UGT1A3: variants seen among roughly 807,000 people sequenced by gnomAD.
UGT1A3 encodes UDP-glucuronosyltransferase 1A3.
A neutral mutation model predicts 41.0 loss-of-function variants in UGT1A3; 31 were observed. That is an observed-to-expected ratio of 0.76 (90% confidence interval 0.57 to 1.02). The LOEUF (loss-of-function observed/expected upper bound fraction) is 1.02. UGT1A3 is among the 50% of genes least tolerant of loss of function. The pLI, the probability that UGT1A3 is intolerant of heterozygous loss-of-function variation, is 0.00. For synonymous variants in UGT1A3, 262 were observed against 257.6 expected (o/e 1.02, Z -0.17); for missense variants, 737 against 671.0 (o/e 1.10, Z -1.09).
intron 1 of UGT1A3, chr2:233,741,799 G>A (rs1253457401): frequency 3.3e-5 from 5 of 151,906 alleles, no homozygotes; most frequent in African/African-American, 1.2e-4. Flanking sequence ...TTACCAGCAT[G>A]CTGCTCTTAA....
chr2:233,757,539 T>TATATACATATACATATATAC (rs762018928), intron 1 of UGT1A3, among the ~76,000 whole-genome samples: 1 of 115,748 alleles, frequency 8.6e-6, no homozygotes, highest in African/African-American at 3.8e-5. Flanking sequence ...GTAAGGAATA[T>TATATACATATACATATATAC]ATATATATAT....
At chr2:233,736,915 T>A (rs1289213443) in intron 1 of UGT1A3, among the ~76,000 whole-genome samples, 1 of 152,142 alleles carries the variant, frequency 6.6e-6, no homozygotes, top group African/African-American at 2.4e-5. Context: ...GGAAGCTTCA[T>A]ACCAGAGGCG....
chr2:233,732,553 T>TAAATAAGGA (rs1454535423), intron 1 of UGT1A3, among the ~76,000 whole-genome samples: 6 of 152,230 alleles, frequency 3.9e-5, no homozygotes, highest in African/African-American at 1.4e-4. Context: ...CACCATTTAT[T>TAAATAAGGA]AAATAAGGAA....
At chr2:233,758,396 C>T (rs560244610) in intron 1 of UGT1A3, among the ~76,000 whole-genome samples, 1 of 152,294 alleles carries the variant, frequency 6.6e-6, no homozygotes, top group South Asian at 2.1e-4. Flanking sequence ...GTGTTTATAG[C>T]CCCTTTACTG....
intron 1 of UGT1A3, among the ~76,000 whole-genome samples, chr2:233,745,719 G>A (rs946550839): frequency 2.7e-5 from 4 of 150,636 alleles, no homozygotes; most frequent in African/African-American, 5.0e-5. Flanking sequence ...CAGAATGGCT[G>A]GAGGGTAAGA....
In UGT1A3 at chr2:233,743,176, T is replaced by C. The variant is rs28900375; in HGVS notation, c.867+13183T>C. 1,765 of 366,612 alleles carry C rather than the reference T, an allele frequency of 4.8e-3. 64 individuals are homozygous for C. The highest frequency in any genetic ancestry group is 0.035 in the African/African-American group (1,636 of 46,622). 22.7% of individuals were successfully genotyped at this position (366,612 alleles called of 1,614,324 possible). On this transcript the variant is annotated intron_variant, in intron 1 of 4. Coordinates refer to ENST00000482026, the MANE Select transcript of UGT1A3 (RefSeq NM_019093.4). The stretch of plus-strand genomic sequence containing the variant: ...TCCTCCAGATGTGCTTAAAGTCAAA[T>C]GTGGACTGGAATTACTTGGTGTCAA...
intron 1 of UGT1A3, among the ~76,000 whole-genome samples, chr2:233,764,258 T>C (rs1698520087): frequency 1.3e-5 from 2 of 152,152 alleles, no homozygotes; most frequent in Non-Finnish European, 2.9e-5. Context: ...AGTTAATATG[T>C]TGCTTCACTC....
intron 1 of UGT1A3, chr2:233,755,026 G>A (rs776900288): frequency 1.5e-6 from 2 of 1,306,986 alleles, no homozygotes; most frequent in Non-Finnish European, 2.1e-6. Context: ...TCCTTGAAGG[G>A]CCTGCCGCCT....
At chr2:233,739,447 A>G (rs1387114794) in intron 1 of UGT1A3, among the ~76,000 whole-genome samples, 2 of 152,208 alleles carry the variant, frequency 1.3e-5, no homozygotes, top group East Asian at 3.8e-4. Flanking sequence ...CTGCAAAGCC[A>G]CAGGGTTGGA....
intron 3 of UGT1A3, 24 bp downstream of exon 3, chr2:233,767,960 T>G (rs769330196): frequency 1.2e-6 from 2 of 1,614,082 alleles, no homozygotes; most frequent in Admixed American, 3.3e-5. Context: ...ATTGGATGTA[T>G]AGGTCAAACC....
At chr2:233,743,297 T>C in intron 1 of UGT1A3, 1 of 557,200 alleles carries the variant, frequency 1.8e-6, no homozygotes, top group South Asian at 1.6e-5. Context: ...TTCTCAATGA[T>C]TCTCTTGGTG....
In UGT1A3 at chr2:233,740,888, C is replaced by A. The variant is rs557749460; in HGVS notation, c.867+10895C>A. On this transcript the variant is annotated intron_variant, in intron 1 of 4. Coordinates refer to ENST00000482026, the MANE Select transcript of UGT1A3 (RefSeq NM_019093.4). ...TTTAAATAAAATGCTCTTGCAGGGA[C>A]AACATAGTAGGTCAACATTGTTCCC... The A allele has an allele frequency of 9.3e-5, 14 of 150,988 alleles. No individual in the cohort carries two copies. In the East Asian group the frequency reaches 9.7e-4, roughly 10 times the overall value. The allele number at this position is 150,988 out of a possible 1,614,324, so 9.4% of individuals were successfully genotyped here. A position where few individuals can be genotyped will look rare whatever the true frequency, so the allele number is the denominator to read the frequency against.
rs17868336 is a variant in UGT1A3, at chr2:233,729,360, A to G, written c.234A>G (p.Thr78=). The G allele has an allele frequency of 0.038, 60,794 of 1,614,118 alleles. 1,450 individuals carry two copies. Among genetic ancestry groups the G allele is most frequent in the Non-Finnish European group, 0.047 (55,229 of 1,179,980 alleles). ...AAGAAGAGAACTTTTTCACCCTGAC[A>G]ACCTATGCCATTTCGTGGACCCAGG... ...HIKEENFFTL[T]TYAISWTQDE... The change falls in exon 1 of 5, where the codon ACA becomes ACG. Residue 78 remains threonine (T), a synonymous_variant. Coordinates refer to ENST00000482026, the MANE Select transcript of UGT1A3 (RefSeq NM_019093.4).
intron 1 of UGT1A3, chr2:233,760,458 A>T (rs1336419159): frequency 6.2e-7 from 1 of 1,614,212 alleles, no homozygotes; most frequent in Non-Finnish European, 8.5e-7. Flanking sequence ...GACATGAAAT[A>T]GTTGTCCTAG....
In UGT1A3 at chr2:233,769,692, A is replaced by G; in HGVS notation, c.1307+1253A>G. On this transcript the variant is annotated intron_variant, in intron 4 of 4. Transcript: ENST00000482026. The surrounding 1 kb of genome is among the most constrained non-coding windows in gnomAD (Gnocchi z 4.4). ...GCTAATGTGTGTGTGGTGGCACTGG[A>G]TAAAAGATCAATGTTGGCTAGGCAC... 1.9e-6 allele frequency: 3 copies of G among 1,542,672 alleles called. No individual in the cohort carries two copies. Among genetic ancestry groups the G allele is most frequent in the Non-Finnish European group, 2.6e-6 (3 of 1,143,658 alleles).
At chr2:233,738,852 A>G (rs1448497943) in intron 1 of UGT1A3, 2 of 152,248 alleles carry the variant, frequency 1.3e-5, no homozygotes, top group Admixed American at 1.3e-4. Flanking sequence ...AATCACCAAG[A>G]CAATGGGGAA....
chr2:233,735,275 T>G (rs968370538), intron 1 of UGT1A3, among the ~76,000 whole-genome samples: 2 of 152,218 alleles, frequency 1.3e-5, no homozygotes, highest in Non-Finnish European at 2.9e-5. Context: ...GTAATGGCCT[T>G]CTTTGTCTCT....
intron 1 of UGT1A3, among the ~76,000 whole-genome samples, chr2:233,757,562 G>GATATATATATATATA (rs1696648748): frequency 1.1e-5 from 1 of 90,870 alleles, no homozygotes; most frequent in Non-Finnish European, 2.1e-5. Context: ...ATATATATAT[G>GATATATATATATATA]TATATATGAT....
intron 4 of UGT1A3, chr2:233,771,178 A>T (rs1700251427): frequency 6.6e-6 from 1 of 152,240 alleles, no homozygotes; most frequent in African/African-American, 2.4e-5. Flanking sequence ...GGGGATTACA[A>T]TTCAACATGA....
Sources: allele counts gnomAD v4.1 joint callset (sites outside exome capture counted in the v4.1 genomes callset), GRCh38; gene constraint gnomAD v4.1.1; non-coding constraint Gnocchi (gnomAD v3.1); transcripts MANE v1.5; gene names NCBI Gene and HGNC (gene_info 2026-07-23, HGNC 2026-07-21).